The following MAN2A1 variants were observed in gnomAD, a reference collection of about 807,000 sequenced individuals.
MAN2A1 encodes alpha-mannosidase 2.
In MAN2A1, 76 loss-of-function variants were observed where a neutral mutation model predicts 142.6. The observed-to-expected ratio is 0.53, with a 90% confidence interval of 0.44 to 0.65. The LOEUF is 0.65. Among genes scored for constraint, MAN2A1 ranks in the 30% least tolerant of loss-of-function variants. MAN2A1 has a pLI of 0.00. For synonymous variants in MAN2A1, 559 were observed against 473.2 expected, an observed-to-expected ratio of 1.18 and a Z score of -2.35; for missense variants, 1,311 against 1,365.1, an observed-to-expected ratio of 0.96 and a Z score of 0.62.
intron 20 of MAN2A1, among the ~76,000 whole-genome samples, chr5:109,860,284 A>G (rs932135842): frequency 1.3e-5 from 2 of 152,210 alleles, no homozygotes; most frequent in Non-Finnish European, 2.9e-5. Flanking sequence ...TGATCAAAAC[A>G]GGATAGCTAT....
chr5:109,735,318 C>T (rs1225165890), intron 4 of MAN2A1, among the ~76,000 whole-genome samples: 3 of 152,110 alleles, frequency 2.0e-5, no homozygotes, highest in African/African-American at 4.8e-5. Flanking sequence ...GGTCTTGACT[C>T]TTTATCCAAT....
intron 5 of MAN2A1, among the ~76,000 whole-genome samples, chr5:109,766,742 A>G (rs1300642658): frequency 6.6e-6 from 1 of 152,216 alleles, no homozygotes; most frequent in Non-Finnish European, 1.5e-5. Context: ...ATAAGTTGTA[A>G]GTAGACACTT....
rs550851079 is a variant in MAN2A1, at chr5:109,713,817, T to TG, written c.390+43_390+44insG. 7.7e-3 allele frequency: 11,958 copies of TG among 1,557,946 alleles called. 23 individuals carry two copies. Among genetic ancestry groups the TG allele is most frequent in the Non-Finnish European group, 8.7e-3 (9,960 of 1,150,488 alleles). On this transcript the variant is annotated intron_variant, in intron 2 of 21. Transcript: ENST00000261483. ...TAATAATCACTGGCCTTTTTTTTTT[T>TG]TTGTTCTTTTTAAGATTTGACCTGA...
chr5:109,691,535 T>C (rs1414372945), intron 1 of MAN2A1, among the ~76,000 whole-genome samples: 1 of 152,214 alleles, frequency 6.6e-6, no homozygotes, highest in Non-Finnish European at 1.5e-5. Context: ...AGTTGATATA[T>C]ATTTTTTTCT....
chr5:109,791,013 G>A lies in MAN2A1; in HGVS notation c.1943+1486G>A, dbSNP rs141776498. Among the ~76,000 whole-genome samples, 82 of 152,146 alleles carry A rather than the reference G, an allele frequency of 5.4e-4. No homozygotes were observed. The Middle Eastern group carries it at 0.01, about 19-fold the overall frequency. Reference sequence around the variant, plus strand: ...AAGTTAGGAAATGTAGTATATTAATGAAAGAGAAAAATATTTTTAAGCTTT... The same window carrying A: ...AAGTTAGGAAATGTAGTATATTAATAAAAGAGAAAAATATTTTTAAGCTTT... On this transcript the variant is annotated intron_variant, in intron 12 of 21. Coordinates refer to ENST00000261483, the MANE Select transcript of MAN2A1 (RefSeq NM_002372.4).
At chr5:109,714,470 A>G (rs1751398229) in intron 2 of MAN2A1, among the ~76,000 whole-genome samples, 1 of 152,214 alleles carries the variant, frequency 6.6e-6, no homozygotes, top group African/African-American at 2.4e-5. Flanking sequence ...TAGAAAATTA[A>G]AAATTTGGTT....
chr5:109,713,789 C>A lies in MAN2A1; in HGVS notation c.390+15C>A. ...CAGATGTGCAGGTAATGTATACATT[C>A]GTTAATAATCACTGGCCTTTTTTTT... On this transcript the variant is annotated intron_variant, in intron 2 of 21. Coordinates refer to ENST00000261483, the MANE Select transcript of MAN2A1 (RefSeq NM_002372.4). 1.9e-6 allele frequency: 3 copies of A among 1,569,446 alleles called. No individual in the cohort carries two copies. The highest frequency in any genetic ancestry group is 2.4e-5 in the South Asian group (2 of 83,696).
intron 20 of MAN2A1, among the ~76,000 whole-genome samples, chr5:109,859,682 T>C (rs1330479530): frequency 1.3e-5 from 2 of 152,108 alleles, no homozygotes; most frequent in South Asian, 2.1e-4. Context: ...AAAGGACCAT[T>C]ATTTAAGAAG....
chr5:109,709,445 A>T (rs1207413198), intron 1 of MAN2A1, among the ~76,000 whole-genome samples: 1 of 152,222 alleles, frequency 6.6e-6, no homozygotes, highest in Non-Finnish European at 1.5e-5. Context: ...TGGCCTTTGA[A>T]GCAGGGAGAA....
chr5:109,694,446 C>G (rs1427790157), intron 1 of MAN2A1, among the ~76,000 whole-genome samples: 1 of 152,070 alleles, frequency 6.6e-6, no homozygotes, highest in East Asian at 1.9e-4. Context: ...TGGGCCCAAG[C>G]CATTCTCCCA....
At chr5:109,799,419 T>G (rs571103417) in intron 12 of MAN2A1, among the ~76,000 whole-genome samples, 1 of 152,166 alleles carries the variant, frequency 6.6e-6, no homozygotes, top group Admixed American at 6.5e-5. Context: ...CCATTTTTTG[T>G]TATATTACCT....
intron 21 of MAN2A1, among the ~76,000 whole-genome samples, chr5:109,866,488 G>C (rs906993281): frequency 1.3e-5 from 2 of 152,120 alleles, no homozygotes; most frequent in African/African-American, 4.8e-5. Context: ...TTGGCCATTG[G>C]AGGTCCTTTC....
rs549101801 is a variant in MAN2A1, at chr5:109,701,726, T to C, written c.135+11174T>C. 3.9e-5 allele frequency among the ~76,000 whole-genome samples: 6 copies of C among 152,212 alleles called. No homozygotes were observed. The South Asian group carries it at 1.2e-3, about 32-fold the overall frequency. The stretch of plus-strand genomic sequence containing the variant: ...TGGCTAGAATCGGGAGGATGAAAAA[T>C]GTGGAGACATTTTGTAAAGAGAAAG... On this transcript the variant is annotated intron_variant, in intron 1 of 21. Transcript: ENST00000261483.
At chr5:109,839,965 G>C (rs1004381210) in intron 16 of MAN2A1, among the ~76,000 whole-genome samples, 2 of 148,976 alleles carry the variant, frequency 1.3e-5, no homozygotes, top group Non-Finnish European at 3.0e-5. Flanking sequence ...AAATGTCTTA[G>C]CCTCTGGAAG....
chr5:109,770,256 T>G (rs1753107756), intron 6 of MAN2A1, 99 bp from the exon 7 acceptor site: 1 of 1,121,604 alleles, frequency 8.9e-7, no homozygotes, highest in Non-Finnish European at 1.3e-6. Flanking sequence ...AGCACAGAGC[T>G]AAATCAGCAT....
At chr5:109,810,457 G>A (rs1754286103) in intron 12 of MAN2A1, among the ~76,000 whole-genome samples, 1 of 152,170 alleles carries the variant, frequency 6.6e-6, no homozygotes, top group African/African-American at 2.4e-5. Flanking sequence ...GTGGGTTCTG[G>A]AATGTCATGA....
At chr5:109,752,662 G>A (rs1464538815) in intron 4 of MAN2A1, among the ~76,000 whole-genome samples, 1 of 152,202 alleles carries the variant, frequency 6.6e-6, no homozygotes, top group Non-Finnish European at 1.5e-5. Flanking sequence ...GCTGAGCTAT[G>A]AGGGCAGTTG....
intron 7 of MAN2A1, among the ~76,000 whole-genome samples, chr5:109,772,341 C>A (rs1175672764): frequency 6.6e-6 from 1 of 152,204 alleles, no homozygotes; most frequent in South Asian, 2.1e-4. Context: ...TGCACTCCAG[C>A]CTGGGTGACA....
At chr5:109,746,825 T>C (rs1582853272) in intron 4 of MAN2A1, among the ~76,000 whole-genome samples, 2 of 152,186 alleles carry the variant, frequency 1.3e-5, no homozygotes, top group African/African-American at 2.4e-5. Flanking sequence ...CAAGTTTGAC[T>C]ACTCTATTAG....
Sources: gnomAD v4.1 joint callset for allele counts (sites outside exome capture counted in the v4.1 genomes callset) on GRCh38, gnomAD v4.1.1 for gene constraint, MANE v1.5 for transcripts, NCBI Gene and HGNC (gene_info 2026-07-23, HGNC 2026-07-21) for gene names.